The following TARS1 variants were observed in gnomAD, a reference collection of about 807,000 sequenced individuals.
TARS1 encodes the protein threonyl-tRNA synthetase 1, also known as threonine--tRNA ligase 1, cytoplasmic.
Under a neutral mutation model 97.7 loss-of-function variants are expected in TARS1, and 57 were observed. The ratio of observed to expected loss-of-function variants is 0.58; its 90% CI spans 0.47 to 0.73. The LOEUF (loss-of-function observed/expected upper bound fraction) is 0.73, where lower values mean the gene tolerates loss of function less well. TARS1 is among the 30% of genes least tolerant of loss of function. The probability of loss-of-function intolerance (pLI) is 0.00; values close to 1 mark genes in which losing one functional copy is unlikely to be tolerated. For missense variants in TARS1, 806 were observed against 888.3 expected (o/e 0.91, Z 1.18); for synonymous variants, 312 against 293.7 (o/e 1.06, Z -0.64).
At chr5:33,455,782 C>A in intron 6 of TARS1, 78 bp downstream of exon 6, 1 of 1,094,376 alleles carries the variant, frequency 9.1e-7, no homozygotes. Context: ...CACTGGCGTT[C>A]CGTGTACTAA....
Position 33,467,836 on chromosome 5 carries a change from C to A in TARS1, c.*128C>A. ...GTTTGGCAAAGTCTGAATAGGTCAA[C>A]CTGCAGGCGTAACTATTTTTGACCT... is the stretch of plus-strand genomic sequence containing the variant. On this transcript the variant is annotated 3_prime_UTR_variant, in exon 19 of 19. Coordinates refer to ENST00000265112, the MANE Select transcript of TARS1 (RefSeq NM_152295.5). 1.1e-6 allele frequency: 1 copy of A among 948,664 alleles called. No homozygotes were observed. The allele number at this position is 948,664 out of a possible 1,614,324, so 58.8% of individuals were successfully genotyped here. A position where few individuals can be genotyped will look rare whatever the true frequency, so the allele number is the denominator to read the frequency against.
chr5:33,467,655 C>G lies in TARS1; in HGVS notation c.2119C>G (p.Arg707Gly). The change falls in exon 19 of 19, where the codon CGG becomes GGG. Residue 707 changes from arginine (R) to glycine (G), a missense_variant. This residue lies in a region of TARS1 where 446 missense variants were observed against 511.0 expected (regional missense o/e 0.87). Coordinates refer to ENST00000265112, the MANE Select transcript of TARS1 (RefSeq NM_152295.5). Reference sequence around the variant, plus strand: ...ACGCACCATTTCTGAAACTATCGAGCGGCTACAGCAGCTCAAAGAGTTCCG... The same window carrying G: ...ACGCACCATTTCTGAAACTATCGAGGGGCTACAGCAGCTCAAAGAGTTCCG... ...GERTISETIE[R>G]LQQLKEFRSK... is the part of the protein sequence containing the mutation. 1 of 1,613,712 alleles carries G rather than the reference C, an allele frequency of 6.2e-7. No homozygotes were observed. Among genetic ancestry groups the G allele is most frequent in the Non-Finnish European group, 8.5e-7 (1 of 1,179,842 alleles).
chr5:33,451,325 A>G (rs1053786380), intron 3 of TARS1, among the ~76,000 whole-genome samples: 1 of 152,084 alleles, frequency 6.6e-6, no homozygotes, highest in African/African-American at 2.4e-5. Context: ...CAAAAAAGAC[A>G]TGTTCCATTT....
chr5:33,454,833 A>G, intron 4 of TARS1, 112 bp from the exon 5 acceptor site: 1 of 1,315,778 alleles, frequency 7.6e-7, no homozygotes, highest in Non-Finnish European at 1.0e-6. Context: ...AGGATTTTAT[A>G]TATTGGGTTT....
chr5:33,452,845 C>A (rs575354362), intron 3 of TARS1, among the ~76,000 whole-genome samples: 1 of 151,158 alleles, frequency 6.6e-6, no homozygotes, highest in Non-Finnish European at 1.5e-5. Context: ...AGAGAAAACT[C>A]GGTGTGGTGA....
rs1335239033 is a variant in TARS1 at position 33,462,190 on chromosome 5, T to C, written c.1822T>C (p.Tyr608His). ...ERMIAILTENYGGKWPFWLSP... is the reference protein window; with the variant it reads ...ERMIAILTENHGGKWPFWLSP... ...AATGATTGCTATCCTCACAGAAAAC[T>C]ATGGGGGCAAATGGTAATTTTTGTC... The change falls in exon 16 of 19, where the codon TAT becomes CAT. Residue 608 changes from tyrosine (Y) to histidine (H), a missense_variant. Coordinates refer to ENST00000265112, the MANE Select transcript of TARS1 (RefSeq NM_152295.5). 4.3e-6 allele frequency: 7 copies of C among 1,611,772 alleles called. No homozygotes were observed. Among genetic ancestry groups the C allele is most frequent in the Non-Finnish European group, 5.1e-6 (6 of 1,179,628 alleles).
chr5:33,463,570 C>G (rs1742394424), intron 16 of TARS1, among the ~76,000 whole-genome samples, 183 bp from the exon 17 acceptor site: 2 of 152,180 alleles, frequency 1.3e-5, no homozygotes, highest in Admixed American at 1.3e-4. Context: ...TCTTCTCCTG[C>G]ATCTCCTCGC....
intron 2 of TARS1, chr5:33,446,479 G>C (rs985194959): frequency 1.1e-5 from 4 of 376,554 alleles, no homozygotes; most frequent in Non-Finnish European, 2.2e-5. Flanking sequence ...ATAAGACAAA[G>C]AGTATAATTA....
intron 17 of TARS1, 97 bp downstream of exon 17, chr5:33,463,922 GATAAAGAGAAATGTT>G (rs1312756494): frequency 9.6e-7 from 1 of 1,046,794 alleles, no homozygotes; most frequent in East Asian, 2.6e-5. Flanking sequence ...GAGCTGTTGT[GATAAAGAGAAATGTT>G]ACTATTTTTA....
intron 13 of TARS1, 146 bp from the exon 14 acceptor site, chr5:33,461,521 G>T (rs1218154195): frequency 3.2e-6 from 3 of 948,464 alleles, no homozygotes; most frequent in Non-Finnish European, 3.1e-6. Flanking sequence ...AAAAGGGGTT[G>T]GTATGAGCAT....
rs75716245 is a variant in TARS1, at chr5:33,457,477, T to G, written c.984+74T>G. Reference sequence around the variant, plus strand: ...ATTTGAAGTTTGAAATTCAGCTGCATGAAGTACTAGGAATTTTGTTTTGAA... The same window carrying G: ...ATTTGAAGTTTGAAATTCAGCTGCAGGAAGTACTAGGAATTTTGTTTTGAA... On this transcript the variant is annotated intron_variant, in intron 9 of 18. Coordinates refer to ENST00000265112, the MANE Select transcript of TARS1 (RefSeq NM_152295.5). The G allele has an allele frequency of 1.0e-3, 1,601 of 1,537,612 alleles. 15 individuals are homozygous for G. The African/African-American group carries it at 0.02, about 19-fold the overall frequency.
At chr5:33,449,405 G>A (rs1485621471) in intron 3 of TARS1, among the ~76,000 whole-genome samples, 1 of 137,770 alleles carries the variant, frequency 7.3e-6, no homozygotes, top group Non-Finnish European at 1.6e-5. Flanking sequence ...GTTTGTGTAT[G>A]TCCTGAAAGC....
At chr5:33,442,460 A>T (rs1038710206) in intron 1 of TARS1, among the ~76,000 whole-genome samples, 1 of 151,474 alleles carries the variant, frequency 6.6e-6, no homozygotes, top group Non-Finnish European at 1.5e-5. Context: ...TGTAATAATT[A>T]TACAATAGTT....
chr5:33,462,057 A>AAT, intron 15 of TARS1, 42 bp from the exon 16 acceptor site: 1 of 1,596,802 alleles, frequency 6.3e-7, no homozygotes, highest in Non-Finnish European at 8.6e-7. Flanking sequence ...TATAAGAGAA[A>AAT]ATATATATAA....
intron 4 of TARS1, 74 bp from the exon 5 acceptor site, chr5:33,454,871 C>T (rs1393114208): frequency 5.2e-6 from 8 of 1,552,868 alleles, no homozygotes; most frequent in Non-Finnish European, 7.0e-6. Flanking sequence ...TCATCTGTCT[C>T]TTTCAGACAA....
At chr5:33,443,121 A>T (rs1741198796) in intron 1 of TARS1, among the ~76,000 whole-genome samples, 1 of 152,216 alleles carries the variant, frequency 6.6e-6, no homozygotes, top group South Asian at 2.1e-4. Context: ...AATAGAGAAC[A>T]GTTGCCTACT....
At chr5:33,457,559 T>TA (rs1412643963) in intron 9 of TARS1, among the ~76,000 whole-genome samples, 156 bp downstream of exon 9, 1 of 151,368 alleles carries the variant, frequency 6.6e-6, no homozygotes, top group Non-Finnish European at 1.5e-5. Context: ...TATAAACACT[T>TA]ACTGATTGTC....
intron 1 of TARS1, among the ~76,000 whole-genome samples, chr5:33,442,098 A>G (rs577996092): frequency 6.6e-6 from 1 of 152,326 alleles, no homozygotes; most frequent in Admixed American, 6.5e-5. Context: ...GTAATAGTCC[A>G]AGTGAGAAGT....
chr5:33,461,969 T>TTCCAGTTGCCCATCAGA lies in TARS1; in HGVS notation c.1695_1711dup (p.Phe571SerfsTer12), dbSNP rs758681173. On this transcript the variant is annotated frameshift_variant, in exon 15 of 19. Transcript: ENST00000265112. LOFTEE classifies it high-confidence loss of function. The stretch of plus-strand genomic sequence containing the variant: ...CCAGTGTGCAACCATCCAGCTGGAT[T>TTCCAGTTGCCCATCAGA]TCCAGTTGCCCATCAGATTTAATCT... 35 of 1,613,988 alleles carry TTCCAGTTGCCCATCAGA rather than the reference T, an allele frequency of 2.2e-5. No homozygotes were observed. Among genetic ancestry groups the TTCCAGTTGCCCATCAGA allele is most frequent in the Non-Finnish European group, 3.0e-5 (35 of 1,179,952 alleles).
Sources: allele counts gnomAD v4.1 joint callset (sites outside exome capture counted in the v4.1 genomes callset), GRCh38; gene constraint gnomAD v4.1.1; regional missense constraint gnomAD v4.1.1; transcripts MANE v1.5; gene names NCBI Gene and HGNC (gene_info 2026-07-23, HGNC 2026-07-21).